Variants in HCRTR2 observed in about 807,000 individuals in gnomAD.
HCRTR2 encodes the protein orexin receptor type 2.
A neutral mutation model predicts 49.0 loss-of-function variants in HCRTR2; 22 were observed. The ratio of observed to expected loss-of-function variants is 0.45; its 90% CI spans 0.32 to 0.64. The LOEUF (loss-of-function observed/expected upper bound fraction) is 0.64. HCRTR2 is among the 30% of genes least tolerant of loss of function. HCRTR2 has a pLI of 0.04. For missense variants in HCRTR2, 491 were observed against 559.4 expected (o/e 0.88, Z 1.23); for synonymous variants, 236 against 205.3 (o/e 1.15, Z -1.28).
At chr6:55,169,268 T>C (rs554069940) in intron 1 of HCRTR2, among the ~76,000 whole-genome samples, 3 of 151,666 alleles carry the variant, frequency 2.0e-5, no homozygotes, top group South Asian at 4.2e-4. Context: ...AAATATCAGA[T>C]CTAATAATGC....
intron 3 of HCRTR2, among the ~76,000 whole-genome samples, chr6:55,261,593 C>A (rs1434438498): frequency 6.6e-6 from 1 of 151,816 alleles, no homozygotes; most frequent in African/African-American, 2.4e-5. Flanking sequence ...CTTACTCTTA[C>A]AAGGATGGCC....
At chr6:55,245,469 T>TTATATATATATATATATATATA (rs745939954) in intron 1 of HCRTR2, among the ~76,000 whole-genome samples, 29 of 56,750 alleles carry the variant, frequency 5.1e-4, no homozygotes, top group African/African-American at 1.1e-3. Context: ...TAGGAAGATT[T>TTATATATATATATATATATATA]TATATATATA....
chr6:55,272,847 CTTT>C (rs993989385), intron 4 of HCRTR2, among the ~76,000 whole-genome samples: 4 of 111,292 alleles, frequency 3.6e-5, no homozygotes, highest in Non-Finnish European at 3.8e-5. Flanking sequence ...GAGGGAAAAC[CTTT>C]TTTTTTTTTT....
chr6:55,187,208 C>T (rs1401007581), intron 1 of HCRTR2, among the ~76,000 whole-genome samples: 1 of 151,696 alleles, frequency 6.6e-6, no homozygotes, highest in Admixed American at 6.6e-5. Context: ...AGATCGAGAC[C>T]ATCCTGGCCA....
At chr6:55,175,008 G>T (rs1009007513) in intron 1 of HCRTR2, among the ~76,000 whole-genome samples, 198 bp downstream of exon 1, 1 of 152,136 alleles carries the variant, frequency 6.6e-6, no homozygotes, top group Non-Finnish European at 1.5e-5. Context: ...CCCTGGAAAG[G>T]TTATTCCCTG....
intron 1 of HCRTR2, among the ~76,000 whole-genome samples, chr6:55,193,583 A>C (rs904698267): frequency 8.1e-6 from 1 of 124,042 alleles, no homozygotes. Flanking sequence ...CTTGGGATTT[A>C]TTTACCTTCT....
At chr6:55,235,184 T>C (rs2127301718) in intron 1 of HCRTR2, among the ~76,000 whole-genome samples, 1 of 152,202 alleles carries the variant, frequency 6.6e-6, no homozygotes, top group Admixed American at 6.5e-5. Flanking sequence ...GGGGGGATGT[T>C]GTTGGAGAGG....
intron 1 of HCRTR2, among the ~76,000 whole-genome samples, chr6:55,140,793 T>C (rs8180551): frequency 0.31 from 47,205 of 152,004 alleles, 9,327 homozygotes; most frequent in East Asian, 0.79. Flanking sequence ...TTTCTACTGA[T>C]TCATAGTTGC....
Position 55,255,394 on chromosome 6 carries a change from GC to G in HCRTR2, c.646+18del. On this transcript the variant is annotated intron_variant, in intron 3 of 6. Transcript: ENST00000370862. ...GCGCTGGGGTGGTAAGTACCTTATGGCCCATCAACTGACATTTATATTACAG... is the reference window on the plus strand; with the variant it reads ...GCGCTGGGGTGGTAAGTACCTTATGGCCATCAACTGACATTTATATTACAG... 1.2e-6 allele frequency: 2 copies of G among 1,613,676 alleles called. No homozygotes were observed. The highest frequency in any genetic ancestry group is 1.7e-6 in the Non-Finnish European group (2 of 1,179,786).
intron 1 of HCRTR2, among the ~76,000 whole-genome samples, chr6:55,201,578 G>A (rs1765514275): frequency 6.6e-6 from 1 of 152,046 alleles, no homozygotes; most frequent in South Asian, 2.1e-4. Flanking sequence ...GTTTTTAAAT[G>A]ATAAGCAAAT....
intron 1 of HCRTR2, among the ~76,000 whole-genome samples, chr6:55,130,743 A>G (rs944591237): frequency 6.6e-6 from 1 of 151,800 alleles, no homozygotes; most frequent in African/African-American, 2.4e-5. Flanking sequence ...TACCCCAGGG[A>G]TTTTCTATAT....
chr6:55,252,343 G>A (rs1243615429), intron 2 of HCRTR2, among the ~76,000 whole-genome samples: 2 of 152,082 alleles, frequency 1.3e-5, no homozygotes, highest in African/African-American at 4.8e-5. Flanking sequence ...CACTAGAAAT[G>A]ACATTGATAT....
intron 1 of HCRTR2, among the ~76,000 whole-genome samples, chr6:55,189,553 C>A (rs1765281005): frequency 6.6e-6 from 1 of 152,146 alleles, no homozygotes; most frequent in Admixed American, 6.6e-5. Flanking sequence ...TAAAACTAAA[C>A]ACTGCATGTT....
chr6:55,198,207 A>G (rs2127282430), intron 1 of HCRTR2, among the ~76,000 whole-genome samples: 1 of 152,262 alleles, frequency 6.6e-6, no homozygotes, highest in African/African-American at 2.4e-5. Flanking sequence ...TCTCTACCCC[A>G]TCACTGACAC....
chr6:55,148,115 G>A (rs1764618765), intron 1 of HCRTR2, among the ~76,000 whole-genome samples: 1 of 152,102 alleles, frequency 6.6e-6, no homozygotes, highest in Non-Finnish European at 1.5e-5. Flanking sequence ...AAGGTTTATA[G>A]TACCTTTATA....
intron 1 of HCRTR2, among the ~76,000 whole-genome samples, chr6:55,127,515 C>T (rs1764298370): frequency 6.6e-6 from 1 of 152,166 alleles, no homozygotes. Flanking sequence ...TCCTATTTGG[C>T]CATCTTGTCA....
chr6:55,277,657 T>A, intron 5 of HCRTR2, 57 bp downstream of exon 5: 1 of 1,213,500 alleles, frequency 8.2e-7, no homozygotes, highest in Non-Finnish European at 1.1e-6. Context: ...GATTCTTAAT[T>A]AACTTTTTTT....
intron 1 of HCRTR2, among the ~76,000 whole-genome samples, chr6:55,139,021 G>C (rs1418537373): frequency 2.0e-5 from 3 of 152,154 alleles, no homozygotes; most frequent in Admixed American, 1.3e-4. Flanking sequence ...AAAATTGGAA[G>C]TGTAAATTGG....
At chr6:55,164,897 G>C (rs768362196) in intron 1 of HCRTR2, among the ~76,000 whole-genome samples, 10 of 152,166 alleles carry the variant, frequency 6.6e-5, no homozygotes, top group African/African-American at 2.2e-4. Flanking sequence ...GCTGTTGTGA[G>C]GAAATTCAAC....
Sources: allele counts gnomAD v4.1 joint callset (sites outside exome capture counted in the v4.1 genomes callset), GRCh38; gene constraint gnomAD v4.1.1; transcripts MANE v1.5; gene names NCBI Gene and HGNC (gene_info 2026-07-23, HGNC 2026-07-21).